The following OLFML2B variants were observed in gnomAD, a reference collection of about 807,000 sequenced individuals.
OLFML2B encodes olfactomedin-like protein 2B.
A neutral mutation model predicts 74.9 loss-of-function variants in OLFML2B; 57 were observed. The ratio of observed to expected loss-of-function variants is 0.76; its 90% CI spans 0.61 to 0.95. The LOEUF (loss-of-function observed/expected upper bound fraction) is 0.95, where lower values mean the gene tolerates loss of function less well. Among genes scored for constraint, OLFML2B ranks in the 40% least tolerant of loss-of-function variants. OLFML2B has a pLI of 0.00. For missense variants in OLFML2B, 986 were observed against 970.6 expected (o/e 1.02, Z -0.21); for synonymous variants, 388 against 405.8 (o/e 0.96, Z 0.53).
chr1:161,997,976 C>T lies in OLFML2B; in HGVS notation c.1323G>A (p.Glu441=), dbSNP rs1364328782. 1 of 1,614,234 alleles carries T rather than the reference C, an allele frequency of 6.2e-7. No homozygotes were observed. Among genetic ancestry groups the T allele is most frequent in the Non-Finnish European group, 8.5e-7 (1 of 1,180,044 alleles). The change falls in exon 6 of 8, where the codon GAG becomes GAA. Residue 441 remains glutamate, a synonymous_variant. Transcript: ENST00000294794. ...APAPPAVSPR[E]ALMEAMHTVP... ...CTGTGTGCATAGCTTCCATCAATGC[C>T]TCCCTGGGAGACACTGCCGGAGGAG...
Position 161,998,158 on chromosome 1 carries a change from A to T in OLFML2B, c.1141T>A (p.Ser381Thr), listed in dbSNP as rs1689972968. Residue 381 changes from serine (S) to threonine (T), a missense_variant, in exon 6 of 8, where the codon TCA (serine) becomes ACA (threonine). Ser to Thr is a moderately conservative substitution (Grantham distance 58). Transcript: ENST00000294794. ...GCATGGTTGGCGATGCTGGGATCTG[A>T]GGTCGAGGGCTGTGGCAGTGCTGAG... ...WSSALPQPST[S>T]DPSIANHASV... 1.1e-5 allele frequency: 17 copies of T among 1,613,984 alleles called. No individual in the cohort carries two copies. Among genetic ancestry groups the T allele is most frequent in the Non-Finnish European group, 1.2e-5 (14 of 1,180,010 alleles).
At chr1:162,006,517 G>T in intron 3 of OLFML2B, 44 bp from the exon 4 acceptor site, 2 of 1,468,578 alleles carry the variant, frequency 1.4e-6, no homozygotes, top group South Asian at 1.3e-5. Flanking sequence ...GCACCCTGAA[G>T]ACAAGCAGGA....
chr1:162,023,387 A>C lies in OLFML2B; in HGVS notation c.44T>G (p.Val15Gly), dbSNP rs781712271. Residue 15 changes from valine (V) to glycine (G), a missense_variant, in exon 1 of 8, where the codon GTG (valine) becomes GGG (glycine). Transcript: ENST00000294794. ...AATGCTGGACACCCAGGCCGGAACC[A>C]CAATCAGAGCGAAGTAGAGAACTAG... ...RLLVLYFALI[V>G]VPAWVSSIVL... 7 of 1,601,308 alleles carry C rather than the reference A, an allele frequency of 4.4e-6. No individual in the cohort carries two copies. Among genetic ancestry groups the C allele is most frequent in the Non-Finnish European group, 6.0e-6 (7 of 1,172,582 alleles).
At chr1:161,987,439 G>C (rs1213292097) in intron 6 of OLFML2B, among the ~76,000 whole-genome samples, 2 of 152,152 alleles carry the variant, frequency 1.3e-5, no homozygotes, top group Non-Finnish European at 2.9e-5. Context: ...CAGAGGCAAA[G>C]GGAGATTTGA....
At chr1:162,007,561 G>A (rs997485297) in intron 3 of OLFML2B, among the ~76,000 whole-genome samples, 1 of 151,930 alleles carries the variant, frequency 6.6e-6, no homozygotes, top group African/African-American at 2.4e-5. Flanking sequence ...TGAGGTTGAG[G>A]AAGCAATGAT....
In OLFML2B at chr1:162,013,920, ACACACACAC is replaced by A. The variant is rs1690462080; in HGVS notation, c.546+3471_546+3479del. ...CACACACACACACACACACACACAC[ACACACACAC>A]ACACACACACTTCTGTAGGATTCTA... On this transcript the variant is annotated intron_variant, in intron 3 of 7. Coordinates refer to ENST00000294794, the MANE Select transcript of OLFML2B (RefSeq NM_015441.3). Among the ~76,000 whole-genome samples, 5 of 151,572 alleles carry A rather than the reference ACACACACAC, an allele frequency of 3.3e-5. No individual in the cohort carries two copies. In the South Asian group the frequency reaches 1.0e-3, roughly 32 times the overall value.
intron 4 of OLFML2B, among the ~76,000 whole-genome samples, chr1:162,000,985 A>T (rs1690067218): frequency 6.6e-6 from 1 of 152,012 alleles, no homozygotes; most frequent in South Asian, 2.1e-4. Flanking sequence ...CGTGCCCTGC[A>T]CCCCACGCCC....
chr1:161,986,214 T>C (rs1689590966), intron 6 of OLFML2B, among the ~76,000 whole-genome samples: 1 of 152,126 alleles, frequency 6.6e-6, no homozygotes, highest in South Asian at 2.1e-4. Context: ...TGAGAATAAT[T>C]GGTCCTTGAC....
intron 3 of OLFML2B, 144 bp downstream of exon 3, chr1:162,017,256 T>C: frequency 1.7e-6 from 1 of 602,540 alleles, no homozygotes; most frequent in Admixed American, 3.6e-5. Flanking sequence ...TTTGAATGAA[T>C]CTTTTATGTA....
intron 6 of OLFML2B, among the ~76,000 whole-genome samples, chr1:161,986,133 T>A (rs867702316): frequency 6.6e-6 from 1 of 152,094 alleles, no homozygotes; most frequent in African/African-American, 2.4e-5. Flanking sequence ...ACAGCTTCCT[T>A]ACCCCCTGCT....
At position 161,998,262 on chromosome 1, in the gene OLFML2B, G is replaced by C; in HGVS notation, c.1037C>G (p.Thr346Ser). 1 of 1,609,034 alleles carries C rather than the reference G, an allele frequency of 6.2e-7. No individual in the cohort carries two copies. The highest frequency in any genetic ancestry group is 8.5e-7 in the Non-Finnish European group (1 of 1,175,892). Residue 346 changes from threonine to serine, a missense_variant, in exon 6 of 8, where the codon ACC (threonine) becomes AGC (serine). Physicochemically the swap from Thr to Ser is moderately conservative, Grantham distance 58 (BLOSUM62 1). Transcript: ENST00000294794. ...CTGACGGGTGGCTGCAGGCCTCCGG[G>C]TGACACTGGTCATCAGGCCGTTGTG... ...LRHNGLMTSV[T>S]RRPAATRQGH...
chr1:161,985,041 C>T, intron 6 of OLFML2B, 61 bp from the exon 7 acceptor site: 1 of 1,509,988 alleles, frequency 6.6e-7, no homozygotes, highest in Non-Finnish European at 8.9e-7. Context: ...ACCCCTTAAA[C>T]CTTTGCTGTT....
chr1:162,013,248 C>T (rs913443590), intron 3 of OLFML2B, among the ~76,000 whole-genome samples: 5 of 152,178 alleles, frequency 3.3e-5, no homozygotes, highest in Admixed American at 2.6e-4. Flanking sequence ...TCCTGCATGC[C>T]CTTCCCCTTC....
chr1:161,984,228 C>G lies in OLFML2B; in HGVS notation c.1700G>C (p.Gly567Ala), dbSNP rs1195031046. The G allele has an allele frequency of 6.5e-7, 1 of 1,549,132 alleles. No homozygotes were observed. The highest frequency in any genetic ancestry group is 2.0e-5 in the Admixed American group (1 of 51,036). ...GAAGGCGCCATTGTATACCACGTGG[C>G]CTGTGCCGATCCAGCTGTACGGGAG... ...YKLPYSWIGT[G>A]HVVYNGAFYY... Residue 567 changes from glycine to alanine, a missense_variant, in exon 8 of 8, where the codon GGC becomes GCC. Coordinates refer to ENST00000294794, the MANE Select transcript of OLFML2B (RefSeq NM_015441.3).
rs116842187 is a variant in OLFML2B, at chr1:161,987,779, C to T, written c.1475-2799G>A. Among the ~76,000 whole-genome samples, 127 of 152,280 alleles carry T rather than the reference C, an allele frequency of 8.3e-4. 2 individuals carry two copies. The East Asian group carries it at 0.023, about 28-fold the overall frequency. Reference sequence around the variant, plus strand: ...ATTTCTGCAGGAAGAGGGGAGTCCCCGCTTGCATTTTCATAGTCCTAGTAC... The same window carrying T: ...ATTTCTGCAGGAAGAGGGGAGTCCCTGCTTGCATTTTCATAGTCCTAGTAC... On this transcript the variant is annotated intron_variant, in intron 6 of 7. Coordinates refer to ENST00000294794, the MANE Select transcript of OLFML2B (RefSeq NM_015441.3).
At chr1:161,995,238 T>G (rs1020066750) in intron 6 of OLFML2B, among the ~76,000 whole-genome samples, 2 of 38,412 alleles carry the variant, frequency 5.2e-5, no homozygotes, top group African/African-American at 2.3e-4. Flanking sequence ...CTTTCTTCTC[T>G]GGGCCACCCC....
chr1:162,005,487 T>C (rs1033464141), intron 4 of OLFML2B, among the ~76,000 whole-genome samples: 2 of 152,230 alleles, frequency 1.3e-5, no homozygotes, highest in African/African-American at 2.4e-5. Flanking sequence ...CCACATGGTA[T>C]AGTTATGAAA....
chr1:162,002,661 G>A (rs770490229), intron 4 of OLFML2B, among the ~76,000 whole-genome samples: 4 of 152,174 alleles, frequency 2.6e-5, no homozygotes, highest in Non-Finnish European at 5.9e-5. Context: ...CAACCAATGG[G>A]GTTGTGTATC....
In OLFML2B at chr1:161,984,009, C is replaced by T. The variant is rs1689510860; in HGVS notation, c.1919G>A (p.Gly640Asp). ...CAGGACAATGACCTCCTGGCTGAAG[C>T]CCTCATCGTCCAGGGCCGGGTAGAT... is the stretch of plus-strand genomic sequence containing the variant. Reference protein sequence around the residue: ...WLIYPALDDEGFSQEVIVLSK... With the variant: ...WLIYPALDDEDFSQEVIVLSK... The change falls in exon 8 of 8, where the codon GGC (glycine) becomes GAC (aspartate). Residue 640 changes from glycine to aspartate, a missense_variant. By Grantham distance (94) the Gly-to-Asp change is moderately conservative. Transcript: ENST00000294794. 4 of 1,614,200 alleles carry T rather than the reference C, an allele frequency of 2.5e-6. No individual in the cohort carries two copies. Among genetic ancestry groups the T allele is most frequent in the Non-Finnish European group, 3.4e-6 (4 of 1,180,044 alleles).
Sources: allele counts gnomAD v4.1 joint callset (sites outside exome capture counted in the v4.1 genomes callset), GRCh38; gene constraint gnomAD v4.1.1; transcripts MANE v1.5; gene names NCBI Gene and HGNC (gene_info 2026-07-23, HGNC 2026-07-21).